Variants in PCDHA7 observed in about 807,000 individuals in gnomAD.
PCDHA7 encodes the protein protocadherin alpha-7.
PCDHA7 carries 37 observed loss-of-function variants against 57.2 expected under a neutral mutation model. That is an observed-to-expected ratio of 0.65 (90% CI 0.50 to 0.85). PCDHA7 has a LOEUF of 0.85. PCDHA7 is among the 40% of genes least tolerant of loss of function. PCDHA7 has a pLI of 0.00. For missense variants in PCDHA7, 1,188 were observed against 1,241.8 expected, an observed-to-expected ratio of 0.96 and a Z score of 0.65; for synonymous variants, 553 against 558.8, an observed-to-expected ratio of 0.99 and a Z score of 0.15.
Position 140,836,139 on chromosome 5 carries a change from G to T in PCDHA7, c.1756G>T (p.Gly586Cys), listed in dbSNP as rs2150253761. 1 of 1,613,778 alleles carries T rather than the reference G, an allele frequency of 6.2e-7. No homozygotes were observed. The highest frequency in any genetic ancestry group is 1.6e-4 in the Middle Eastern group (1 of 6,062). ...AVRELVPRSV[G>C]AGHVVAKVRA... ...GAGAGAGCTTGTGCCGCGGTCTGTG[G>T]GCGCGGGCCATGTGGTGGCGAAGGT... The change falls in exon 1 of 4, where the codon GGC (glycine) becomes TGC (cysteine). Residue 586 changes from glycine to cysteine, a missense_variant. Gly to Cys is a radical substitution (Grantham distance 159). Coordinates refer to ENST00000525929, the MANE Select transcript of PCDHA7 (RefSeq NM_018910.3).
At chr5:140,856,076 G>T in intron 1 of PCDHA7, 1 of 1,593,874 alleles carries the variant, frequency 6.3e-7, no homozygotes, top group Non-Finnish European at 8.6e-7. Flanking sequence ...CTGCCTGGGG[G>T]TCCAGTGTCT....
chr5:140,844,004 C>G (rs1427252169), intron 1 of PCDHA7, among the ~76,000 whole-genome samples: 1 of 149,654 alleles, frequency 6.7e-6, no homozygotes, highest in Non-Finnish European at 1.5e-5. Context: ...CTGAACAATA[C>G]TCTAAGGACG....
At chr5:140,964,961 G>A (rs552220130) in intron 1 of PCDHA7, among the ~76,000 whole-genome samples, 1 of 152,320 alleles carries the variant, frequency 6.6e-6, no homozygotes, top group Non-Finnish European at 1.5e-5. Context: ...TTGGTTGGTG[G>A]AACGAAGGGA....
intron 1 of PCDHA7, chr5:140,967,826 G>A (rs782046643): frequency 1.2e-6 from 2 of 1,614,168 alleles, no homozygotes; most frequent in East Asian, 4.5e-5. Context: ...GGTGCTGGTG[G>A]ACATCGTGGA....
At chr5:140,982,230 C>G (rs943404054) in intron 2 of PCDHA7, 9 of 619,854 alleles carry the variant, frequency 1.5e-5, no homozygotes, top group Admixed American at 3.8e-5. Flanking sequence ...TAATAAAAAA[C>G]AGAATTGCCA....
intron 1 of PCDHA7, chr5:140,865,276 A>C (rs1259929585): frequency 6.6e-6 from 1 of 152,182 alleles, no homozygotes; most frequent in African/African-American, 2.4e-5. Flanking sequence ...TTATATGTAA[A>C]ATTACTTTGC....
chr5:140,871,218 G>C, intron 1 of PCDHA7: 19 of 1,613,884 alleles, frequency 1.2e-5, no homozygotes, highest in Non-Finnish European at 1.6e-5. Context: ...CCATCTGCGT[G>C]GTGTCCAGCC....
chr5:140,940,164 AT>A (rs1407801775), intron 1 of PCDHA7, among the ~76,000 whole-genome samples: 1 of 152,170 alleles, frequency 6.6e-6, no homozygotes, highest in African/African-American at 2.4e-5. Flanking sequence ...TTTGCCTGAA[AT>A]GTCATTCTTG....
intron 1 of PCDHA7, among the ~76,000 whole-genome samples, chr5:140,950,648 T>C (rs2153690319): frequency 6.6e-6 from 1 of 152,222 alleles, no homozygotes; most frequent in East Asian, 1.9e-4. Flanking sequence ...CTGTTTATGG[T>C]TGGCTGAGTT....
At chr5:140,950,080 C>G (rs528804395) in intron 1 of PCDHA7, among the ~76,000 whole-genome samples, 2 of 151,836 alleles carry the variant, frequency 1.3e-5, no homozygotes, top group Admixed American at 1.3e-4. Context: ...ATTGCTTATG[C>G]TATAGTTTTC....
At position 140,836,400 on chromosome 5, in the gene PCDHA7, G is replaced by C. The variant is rs2150259839; in HGVS notation, c.2017G>C (p.Gly673Arg). The part of the protein sequence containing the change: ...ATVLVSLVES[G>R]QAPKASSRAS... ...CGTGCTGGTGTCGCTGGTGGAAAGC[G>C]GCCAGGCACCAAAGGCGTCGTCGCG... Residue 673 changes from glycine (G) to arginine (R), a missense_variant, in exon 1 of 4, where the codon GGC becomes CGC. This residue lies in a region of PCDHA7 where 892 missense variants were observed against 788.5 expected (regional missense o/e 1.13). Coordinates refer to ENST00000525929, the MANE Select transcript of PCDHA7 (RefSeq NM_018910.3). 6.2e-7 allele frequency: 1 copy of C among 1,613,760 alleles called. No individual in the cohort carries two copies. The highest frequency in any genetic ancestry group is 1.3e-5 in the African/African-American group (1 of 74,962).
intron 1 of PCDHA7, chr5:140,877,193 G>C: frequency 6.2e-7 from 1 of 1,613,832 alleles, no homozygotes; most frequent in Non-Finnish European, 8.5e-7. Flanking sequence ...GGCAGCGCAG[G>C]AGGCGCAGTT....
In PCDHA7 at chr5:140,850,224, G is replaced by A. The variant is rs2150474394; in HGVS notation, c.2355+13486G>A. On this transcript the variant is annotated intron_variant, in intron 1 of 3. Coordinates refer to ENST00000525929, the MANE Select transcript of PCDHA7 (RefSeq NM_018910.3). ...TCGGATGAGGGGCACTGACGGCGCAGTGAGCGAGATGGTGCTGCGGTCGGT... is the reference window on the plus strand; with the variant it reads ...TCGGATGAGGGGCACTGACGGCGCAATGAGCGAGATGGTGCTGCGGTCGGT... 9.3e-5 allele frequency: 148 copies of A among 1,593,886 alleles called. 13 individuals carry two copies. The highest frequency in any genetic ancestry group is 1.2e-4 in the Non-Finnish European group (142 of 1,167,688).
At chr5:140,843,385 T>A in intron 1 of PCDHA7, 1 of 1,595,902 alleles carries the variant, frequency 6.3e-7, no homozygotes, top group South Asian at 1.1e-5. Flanking sequence ...GCGTTTTGGG[T>A]CCGGAAGCGG....
At chr5:140,919,183 A>T (rs2079029188) in intron 1 of PCDHA7, among the ~76,000 whole-genome samples, 1 of 152,104 alleles carries the variant, frequency 6.6e-6, no homozygotes, top group Non-Finnish European at 1.5e-5. Context: ...TATCTTCCTG[A>T]TTGGTCCTTT....
intron 1 of PCDHA7, among the ~76,000 whole-genome samples, chr5:140,911,105 G>A (rs960375597): frequency 3.2e-4 from 48 of 152,082 alleles, no homozygotes; most frequent in African/African-American, 1.2e-3. Flanking sequence ...CTGCCTCAGG[G>A]GAAGCCATCA....
intron 1 of PCDHA7, among the ~76,000 whole-genome samples, chr5:140,872,773 C>CTA (rs1354761914): frequency 6.6e-6 from 1 of 152,078 alleles, no homozygotes; most frequent in Non-Finnish European, 1.5e-5. Context: ...GCTATATTAT[C>CTA]TATAATATAT....
intron 3 of PCDHA7, among the ~76,000 whole-genome samples, chr5:140,985,103 A>G (rs1342526252): frequency 6.6e-6 from 1 of 151,694 alleles, no homozygotes; most frequent in African/African-American, 2.4e-5. Context: ...AAGCCTGGCT[A>G]ATTTTTTGTG....
chr5:140,877,298 A>C, intron 1 of PCDHA7: 1 of 1,613,870 alleles, frequency 6.2e-7, no homozygotes. Flanking sequence ...TGGCTGTCCT[A>C]CGAGTTGCAA....
Sources: gnomAD v4.1 joint callset for allele counts (sites outside exome capture counted in the v4.1 genomes callset) on GRCh38, gnomAD v4.1.1 for gene constraint, gnomAD v4.1.1 regional missense constraint, MANE v1.5 for transcripts, NCBI Gene and HGNC (gene_info 2026-07-23, HGNC 2026-07-21) for gene names.